The following GABBR2 variants were observed in gnomAD, a reference collection of about 807,000 sequenced individuals.
GABBR2 encodes the protein G-protein coupled receptor 51.
In GABBR2, 23 loss-of-function variants were observed where a neutral mutation model predicts 105.6. That is an observed-to-expected ratio of 0.22 (90% CI 0.16 to 0.31). GABBR2 has a LOEUF of 0.31. Among genes scored for constraint, GABBR2 ranks in the 10% least tolerant of loss-of-function variants. GABBR2 has a pLI of 1.00. For missense variants in GABBR2, 734 were observed against 1,245.5 expected (o/e 0.59, Z 6.18); for synonymous variants, 478 against 499.7 (o/e 0.96, Z 0.58).
At chr9:98,371,086 G>A (rs1409179952) in intron 12 of GABBR2, among the ~76,000 whole-genome samples, 1 of 151,938 alleles carries the variant, frequency 6.6e-6, no homozygotes, top group African/African-American at 2.4e-5. Flanking sequence ...CTCGGCCCCT[G>A]ACCACCCTCC....
rs1328792688 is a variant in GABBR2, at chr9:98,464,422, C to T, written c.999+8724G>A. On this transcript the variant is annotated intron_variant, in intron 6 of 18. Coordinates refer to ENST00000259455, the MANE Select transcript of GABBR2 (RefSeq NM_005458.8). ...GCCCTGTCTGGGAGGAAGTGAGGAG[C>T]GCCTCTGGCCGGCTGCCCCAAATGG... Among the ~76,000 whole-genome samples, 10 of 147,424 alleles carry T rather than the reference C, an allele frequency of 6.8e-5. No homozygotes were observed. In the East Asian group the frequency reaches 1.0e-3, roughly 15 times the overall value.
chr9:98,429,366 C>G (rs1438270837), intron 7 of GABBR2, among the ~76,000 whole-genome samples: 5 of 152,206 alleles, frequency 3.3e-5, no homozygotes, highest in African/African-American at 1.2e-4. Context: ...GTCTTGGACT[C>G]CTGACCTCAA....
At chr9:98,335,507 GGCAACTTTAAAAAATTCCTGAT>G (rs1831097944) in intron 13 of GABBR2, among the ~76,000 whole-genome samples, 1 of 152,110 alleles carries the variant, frequency 6.6e-6, no homozygotes, top group African/African-American at 2.4e-5. Flanking sequence ...CAGAACCCAT[GGCAACTTTAAAAAATTCCTGAT>G]GCACAGGGCC....
chr9:98,706,410 A>G lies in GABBR2; in HGVS notation c.321+2007T>C, dbSNP rs115998750. Among the ~76,000 whole-genome samples, 967 of 152,330 alleles carry G rather than the reference A, an allele frequency of 6.3e-3. 9 individuals carry two copies. The highest frequency in any genetic ancestry group is 0.022 in the African/African-American group (909 of 41,574). On this transcript the variant is annotated intron_variant, in intron 1 of 18. Coordinates refer to ENST00000259455, the MANE Select transcript of GABBR2 (RefSeq NM_005458.8). The stretch of plus-strand genomic sequence containing the variant: ...TGGCTCTGGGCCCCTTCAAAAGGCT[A>G]GAGACACTTCTCTGTTTGCACGAAG...
At chr9:98,590,905 T>C (rs904584680) in intron 1 of GABBR2, among the ~76,000 whole-genome samples, 2 of 152,202 alleles carry the variant, frequency 1.3e-5, no homozygotes, top group Non-Finnish European at 2.9e-5. Context: ...GGGTTGGACC[T>C]GGAGTTAGAG....
At chr9:98,607,379 A>C in intron 1 of GABBR2, 1 of 683,344 alleles carries the variant, frequency 1.5e-6, no homozygotes, top group South Asian at 1.7e-5. Context: ...AAGCGTTTGC[A>C]TGAAACAGTA....
chr9:98,380,627 GAGAC>G (rs1298562962), intron 11 of GABBR2, among the ~76,000 whole-genome samples: 1 of 152,238 alleles, frequency 6.6e-6, no homozygotes, highest in Non-Finnish European at 1.5e-5. Context: ...AGTGTCCAGG[GAGAC>G]AGCACGGGGT....
chr9:98,393,025 T>TCCAC (rs1203695717), intron 9 of GABBR2, among the ~76,000 whole-genome samples: 1 of 71,150 alleles, frequency 1.4e-5, no homozygotes, highest in East Asian at 7.9e-4. Context: ...CATCCATGCA[T>TCCAC]CCACCCATCC....
At chr9:98,555,284 C>T (rs756935890) in intron 2 of GABBR2, among the ~76,000 whole-genome samples, 1 of 152,174 alleles carries the variant, frequency 6.6e-6, no homozygotes, top group Non-Finnish European at 1.5e-5. Flanking sequence ...GAAGCCTCAG[C>T]GAAGGAAAGG....
chr9:98,462,703 G>A (rs1028714433), intron 6 of GABBR2, among the ~76,000 whole-genome samples: 5 of 152,106 alleles, frequency 3.3e-5, no homozygotes, highest in Non-Finnish European at 5.9e-5. Flanking sequence ...CACTGCTTGC[G>A]GATGTGTAAA....
chr9:98,676,361 A>C (rs1830477608), intron 1 of GABBR2, among the ~76,000 whole-genome samples: 1 of 152,284 alleles, frequency 6.6e-6, no homozygotes, highest in African/African-American at 2.4e-5. Flanking sequence ...GAACTATAAG[A>C]TAATAAATTT....
chr9:98,481,787 A>C (rs935233330), intron 4 of GABBR2, among the ~76,000 whole-genome samples: 1 of 152,220 alleles, frequency 6.6e-6, no homozygotes, highest in African/African-American at 2.4e-5. Flanking sequence ...ATTTCTAAGG[A>C]AAATCTATTT....
At chr9:98,675,093 C>T (rs1830457953) in intron 1 of GABBR2, among the ~76,000 whole-genome samples, 1 of 152,144 alleles carries the variant, frequency 6.6e-6, no homozygotes, top group South Asian at 2.1e-4. Context: ...GAGGATGGAA[C>T]CTGGGAGCTC....
At chr9:98,393,335 C>T (rs1302519463) in intron 9 of GABBR2, among the ~76,000 whole-genome samples, 2 of 151,514 alleles carry the variant, frequency 1.3e-5, no homozygotes. Flanking sequence ...ATCCAGGCAT[C>T]CACCCAACCA....
chr9:98,653,767 A>G (rs935759507), intron 1 of GABBR2, among the ~76,000 whole-genome samples: 7 of 151,954 alleles, frequency 4.6e-5, no homozygotes, highest in Non-Finnish European at 5.9e-5. Flanking sequence ...ACACACAAAC[A>G]CACCTCTTTT....
chr9:98,474,786 C>G (rs1317168121), intron 5 of GABBR2, among the ~76,000 whole-genome samples: 1 of 152,086 alleles, frequency 6.6e-6, no homozygotes, highest in Non-Finnish European at 1.5e-5. Context: ...AGAAGGGAGG[C>G]CAGAGCTCCC....
chr9:98,396,567 G>T (rs1832295307), intron 8 of GABBR2, among the ~76,000 whole-genome samples: 2 of 152,196 alleles, frequency 1.3e-5, no homozygotes, highest in Admixed American at 6.5e-5. Context: ...GCTTACCTGG[G>T]TCACCCGGCC....
At chr9:98,595,373 T>C (rs1829219092) in intron 1 of GABBR2, among the ~76,000 whole-genome samples, 1 of 151,598 alleles carries the variant, frequency 6.6e-6, no homozygotes, top group Admixed American at 6.6e-5. Context: ...CATATGACTC[T>C]TGGGGGAAAG....
At chr9:98,490,045 A>G (rs1827143947) in intron 4 of GABBR2, among the ~76,000 whole-genome samples, 1 of 152,166 alleles carries the variant, frequency 6.6e-6, no homozygotes, top group Non-Finnish European at 1.5e-5. Context: ...GTGAGCCGAG[A>G]TCGTGCCACC....
Sources: gnomAD v4.1 joint callset for allele counts (sites outside exome capture counted in the v4.1 genomes callset) on GRCh38, gnomAD v4.1.1 for gene constraint, MANE v1.5 for transcripts, NCBI Gene and HGNC (gene_info 2026-07-23, HGNC 2026-07-21) for gene names.